Variants in SYBU observed in about 807,000 individuals in gnomAD.
SYBU encodes the protein GOLSYN A protein.
Under a neutral mutation model 35.9 loss-of-function variants are expected in SYBU, and 21 were observed. The ratio of observed to expected loss-of-function variants is 0.58; its 90% CI spans 0.41 to 0.84. SYBU has a LOEUF of 0.84. Among genes scored for constraint, SYBU ranks in the 40% least tolerant of loss-of-function variants. The probability of loss-of-function intolerance (pLI) is 0.00; values close to 1 mark genes in which losing one functional copy is unlikely to be tolerated. For missense variants in SYBU, 768 were observed against 848.2 expected (o/e 0.91, Z 1.17); for synonymous variants, 319 against 324.3 (o/e 0.98, Z 0.18).
chr8:109,639,396 A>G (rs1814601688), intron 2 of SYBU, among the ~76,000 whole-genome samples: 1 of 152,232 alleles, frequency 6.6e-6, no homozygotes. Context: ...AATGCTTTTG[A>G]TATAGATTTG....
chr8:109,600,597 G>A (rs1425519864), intron 3 of SYBU, among the ~76,000 whole-genome samples: 1 of 152,180 alleles, frequency 6.6e-6, no homozygotes, highest in Non-Finnish European at 1.5e-5. Flanking sequence ...AAACTGGAAA[G>A]GATGGGAGGT....
At chr8:109,653,687 C>T (rs1816242677) in intron 1 of SYBU, among the ~76,000 whole-genome samples, 1 of 152,130 alleles carries the variant, frequency 6.6e-6, no homozygotes, top group African/African-American at 2.4e-5. Context: ...CTCCATACTT[C>T]AAATCTACCA....
Position 109,644,683 on chromosome 8 carries a change from C to A in SYBU, c.-24G>T. On this transcript the variant is annotated 5_prime_UTR_variant, in exon 1 of 7. Coordinates refer to ENST00000276646, the MANE Select transcript of SYBU (RefSeq NM_001099754.2). The stretch of plus-strand genomic sequence containing the variant: ...ATCGCGCCGCTGCCCGCCGGCTCCT[C>A]GCGCCGCCGCTGCCGCCGTCCAGGA... The A allele has an allele frequency of 2.7e-6, 4 of 1,506,924 alleles. No individual in the cohort carries two copies. The highest frequency in any genetic ancestry group is 3.5e-6 in the Non-Finnish European group (4 of 1,135,332). 93.3% of individuals were successfully genotyped at this position (1,506,924 alleles called of 1,614,324 possible).
At chr8:109,644,043 C>T (rs7817360) in intron 1 of SYBU, 27,838 of 454,832 alleles carry the variant, frequency 0.061, 4,073 homozygotes, top group African/African-American at 0.39. Flanking sequence ...TTCCTTCCAC[C>T]GGCTTACCAG....
At chr8:109,684,538 C>T (rs1445340551), upstream of SYBU, among the ~76,000 whole-genome samples, 1 of 152,160 alleles carries the variant, frequency 6.6e-6, no homozygotes, top group Non-Finnish European at 1.5e-5. Flanking sequence ...ATTGTATAAA[C>T]ATTATCAATC....
At chr8:109,663,251 A>ATACG (rs1264189536) in intron 1 of SYBU, among the ~76,000 whole-genome samples, 2 of 131,400 alleles carry the variant, frequency 1.5e-5, no homozygotes, top group African/African-American at 7.3e-5. Flanking sequence ...TTTAATAAAA[A>ATACG]TACATACAGA....
rs1228308287 is a variant in SYBU at position 109,586,079 on chromosome 8, G to A, written c.511C>T (p.Arg171Trp). 1.8e-5 allele frequency: 29 copies of A among 1,610,838 alleles called. No homozygotes were observed. Among genetic ancestry groups the A allele is most frequent in the South Asian group, 4.4e-5 (4 of 90,060 alleles). ...GCCTACTTGCGTGAAGAAGAAGACC[G>A]CTTGCTTCCCGCAGTCGACATATGG... is the stretch of plus-strand genomic sequence containing the variant. ...EVHMSTAGSK[R>W]SSSSRNRGPH... is the part of the protein sequence containing the mutation. The change falls in exon 4 of 7, where the codon CGG becomes TGG. Residue 171 changes from arginine to tryptophan, a missense_variant. Arg to Trp is a moderately radical substitution (Grantham distance 101). Transcript: ENST00000276646.
chr8:109,638,279 A>G (rs1196249955), intron 2 of SYBU, among the ~76,000 whole-genome samples: 1 of 152,206 alleles, frequency 6.6e-6, no homozygotes. Flanking sequence ...TGACTGATGT[A>G]TGTGCCTGAC....
At chr8:109,635,073 T>C (rs1814066761) in intron 2 of SYBU, among the ~76,000 whole-genome samples, 1 of 152,218 alleles carries the variant, frequency 6.6e-6, no homozygotes, top group African/African-American at 2.4e-5. Flanking sequence ...AGTTAAACCC[T>C]TTAAAAAAGT....
At chr8:109,616,372 T>C (rs1811794010) in intron 3 of SYBU, among the ~76,000 whole-genome samples, 1 of 151,966 alleles carries the variant, frequency 6.6e-6, no homozygotes, top group African/African-American at 2.4e-5. Flanking sequence ...GATGAGTGGC[T>C]GCTCTTTAGC....
intron 1 of SYBU, among the ~76,000 whole-genome samples, chr8:109,668,509 A>G (rs1293340438): frequency 1.3e-5 from 2 of 152,310 alleles, no homozygotes; most frequent in East Asian, 1.9e-4. Flanking sequence ...CTAAACCAAC[A>G]CGTAATATGA....
chr8:109,626,298 T>A (rs1812974721), intron 2 of SYBU, among the ~76,000 whole-genome samples: 2 of 152,230 alleles, frequency 1.3e-5, no homozygotes. Flanking sequence ...TAGAATGTTT[T>A]TATTATTCAA....
intron 3 of SYBU, among the ~76,000 whole-genome samples, chr8:109,606,307 A>G (rs1826060610): frequency 6.6e-6 from 1 of 152,248 alleles, no homozygotes; most frequent in African/African-American, 2.4e-5. Flanking sequence ...AGTAATCACA[A>G]TACAATAGAA....
intron 1 of SYBU, among the ~76,000 whole-genome samples, chr8:109,673,363 A>C (rs546676096): frequency 4.8e-4 from 73 of 152,336 alleles, no homozygotes; most frequent in African/African-American, 8.7e-4. Context: ...GCTGTTCTGC[A>C]GCCTCCGCTG....
intron 3 of SYBU, among the ~76,000 whole-genome samples, chr8:109,596,051 C>A (rs1356338958): frequency 6.6e-6 from 1 of 152,174 alleles, no homozygotes; most frequent in Non-Finnish European, 1.5e-5. Flanking sequence ...CACTGACAAC[C>A]CTTAATGGTC....
intron 3 of SYBU, 82 bp downstream of exon 3, chr8:109,618,760 G>C: frequency 8.0e-7 from 1 of 1,257,178 alleles, no homozygotes; most frequent in Non-Finnish European, 1.2e-6. Context: ...TCCCCGACTC[G>C]ATATACAGGT....
In SYBU at chr8:109,575,383, A is replaced by C. The variant is rs769667914; in HGVS notation, c.1515T>G (p.Ser505Arg). The C allele has an allele frequency of 6.2e-7, 1 of 1,613,894 alleles. No homozygotes were observed. Residue 505 changes from serine (S) to arginine (R), a missense_variant, in exon 7 of 7, where the codon AGT (serine) becomes AGG (arginine). Coordinates refer to ENST00000276646, the MANE Select transcript of SYBU (RefSeq NM_001099754.2). ...YSPAISELIQ[S>R]VLQKLQDPCP... ...AGGGGTCCTGGAGCTTCTGCAGCAC[A>C]CTCTGAATGAGCTCTGAGATGGCTG...
chr8:109,668,165 G>GGGGAGA (rs1554628118), intron 1 of SYBU, among the ~76,000 whole-genome samples: 4 of 88,990 alleles, frequency 4.5e-5, no homozygotes, highest in African/African-American at 1.5e-4. Flanking sequence ...GGGGAGAGGG[G>GGGGAGA]GAGAGAGAGA....
At chr8:109,620,343 G>A (rs967092250) in intron 2 of SYBU, among the ~76,000 whole-genome samples, 3 of 152,138 alleles carry the variant, frequency 2.0e-5, no homozygotes, top group African/African-American at 4.8e-5. Flanking sequence ...TGAATATTAC[G>A]GGAACTAAAA....
Sources: gnomAD v4.1 joint callset for allele counts (sites outside exome capture counted in the v4.1 genomes callset) on GRCh38, gnomAD v4.1.1 for gene constraint, MANE v1.5 for transcripts, NCBI Gene and HGNC (gene_info 2026-07-23, HGNC 2026-07-21) for gene names.